EYS: variants seen among roughly 807,000 people sequenced by gnomAD.
The protein encoded by EYS is protein eyes shut homolog.
In EYS, 250 loss-of-function variants were observed where a neutral mutation model predicts 282.1. The observed-to-expected ratio is 0.89, with a 90% CI of 0.80 to 0.98. The LOEUF (loss-of-function observed/expected upper bound fraction) is 0.98, where lower values mean the gene tolerates loss of function less well. EYS is among the 50% of genes least tolerant of loss of function. The pLI is 0.00. For synonymous variants in EYS, 1,355 were observed against 1,282.9 expected (o/e 1.06, Z -1.20); for missense variants, 4,016 against 3,709.0 (o/e 1.08, Z -2.15).
chr6:64,945,223 G>A (rs1361875507), intron 15 of EYS, among the ~76,000 whole-genome samples: 1 of 150,062 alleles, frequency 6.7e-6, no homozygotes. Context: ...TATTCAACAA[G>A]CAAAAAACAA....
At chr6:65,593,961 A>G (rs1765317813) in intron 2 of EYS, among the ~76,000 whole-genome samples, 2 of 151,978 alleles carry the variant, frequency 1.3e-5, no homozygotes. Context: ...AGCATAGAGA[A>G]GGTCAAATAA....
intron 41 of EYS, among the ~76,000 whole-genome samples, chr6:63,746,621 C>T (rs553393974): frequency 9.2e-5 from 14 of 152,218 alleles, no homozygotes; most frequent in South Asian, 2.1e-4. Flanking sequence ...TTGGTCTATT[C>T]GTGGACTCAA....
chr6:64,058,157 C>T (rs1443566604), intron 33 of EYS, among the ~76,000 whole-genome samples: 5 of 152,104 alleles, frequency 3.3e-5, no homozygotes, highest in Non-Finnish European at 7.4e-5. Context: ...AGTTCCCCTG[C>T]ACATGTTGTC....
chr6:64,683,650 C>A (rs1167170296), intron 22 of EYS, among the ~76,000 whole-genome samples: 1 of 152,134 alleles, frequency 6.6e-6, no homozygotes, highest in Non-Finnish European at 1.5e-5. Context: ...TACTTAATGG[C>A]TGACATTTTC....
chr6:65,437,086 A>G (rs967032010), intron 5 of EYS, among the ~76,000 whole-genome samples: 7 of 152,108 alleles, frequency 4.6e-5, no homozygotes, highest in African/African-American at 1.7e-4. Flanking sequence ...CTGTATATAA[A>G]AGGAAAACTT....
intron 12 of EYS, among the ~76,000 whole-genome samples, chr6:65,181,988 C>G (rs928643926): frequency 2.0e-5 from 3 of 151,730 alleles, no homozygotes; most frequent in Admixed American, 2.0e-4. Context: ...TGTTCTCACT[C>G]ATAGGTGGGA....
intron 5 of EYS, among the ~76,000 whole-genome samples, chr6:65,442,727 C>A (rs1157250295): frequency 6.6e-6 from 1 of 150,942 alleles, no homozygotes. Flanking sequence ...GCACTCCAGG[C>A]TGGGTGACAG....
intron 26 of EYS, among the ~76,000 whole-genome samples, chr6:64,584,659 T>C (rs1453778099): frequency 6.6e-6 from 1 of 152,074 alleles, no homozygotes; most frequent in Non-Finnish European, 1.5e-5. Flanking sequence ...AATTTTTGAA[T>C]ATATTTTACT....
rs561787941 is a variant in EYS at position 64,755,517 on chromosome 6, C to G, written c.3443+57861G>C. 6.0e-4 allele frequency among the ~76,000 whole-genome samples: 91 copies of G among 151,444 alleles called. 3 individuals are homozygous for G. The South Asian group carries it at 0.018, about 30-fold the overall frequency. ...ATACATACACACACACACACACACA[C>G]ACACACACACACACACACACACACA... is the stretch of plus-strand genomic sequence containing the variant. On this transcript the variant is annotated intron_variant, in intron 22 of 42. Coordinates refer to ENST00000503581, the MANE Select transcript of EYS (RefSeq NM_001142800.2).
At chr6:64,215,037 C>T (rs1311186271) in intron 31 of EYS, among the ~76,000 whole-genome samples, 1 of 151,832 alleles carries the variant, frequency 6.6e-6, no homozygotes, top group African/African-American at 2.4e-5. Flanking sequence ...TGTCTTTATT[C>T]TGATTTCTAT....
intron 36 of EYS, among the ~76,000 whole-genome samples, chr6:63,849,580 G>A (rs572576865): frequency 2.0e-5 from 3 of 152,262 alleles, no homozygotes; most frequent in East Asian, 1.9e-4. Context: ...TGCAGAAGAG[G>A]GGCCTGACTG....
chr6:64,600,954 G>A (rs1435224940), intron 24 of EYS, among the ~76,000 whole-genome samples: 1 of 152,020 alleles, frequency 6.6e-6, no homozygotes, highest in African/African-American at 2.4e-5. Flanking sequence ...CTGTTATAGT[G>A]AAATTCCAGA....
intron 33 of EYS, among the ~76,000 whole-genome samples, chr6:64,021,694 T>C (rs1375447569): frequency 2.0e-5 from 3 of 152,142 alleles, no homozygotes; most frequent in Non-Finnish European, 4.4e-5. Context: ...ATTCACATGG[T>C]CCAAGATTCA....
intron 33 of EYS, among the ~76,000 whole-genome samples, chr6:64,022,671 A>G (rs111829563): frequency 0.03 from 4,601 of 152,262 alleles, 233 homozygotes; most frequent in African/African-American, 0.11. Context: ...GGCTGCTGAA[A>G]CTGCCTGCTC....
intron 12 of EYS, among the ~76,000 whole-genome samples, chr6:65,113,677 A>G (rs1775285080): frequency 6.6e-6 from 1 of 150,968 alleles, no homozygotes. Context: ...ATATTGTTGA[A>G]TGAAAGAAAC....
At chr6:63,916,994 G>T (rs1463997928) in intron 35 of EYS, among the ~76,000 whole-genome samples, 1 of 152,168 alleles carries the variant, frequency 6.6e-6, no homozygotes, top group Non-Finnish European at 1.5e-5. Context: ...GAAGCTGACA[G>T]GTCAGGAAGT....
At chr6:63,880,475 G>GTA (rs1400603252) in intron 35 of EYS, among the ~76,000 whole-genome samples, 5 of 139,132 alleles carry the variant, frequency 3.6e-5, no homozygotes, top group African/African-American at 1.3e-4. Flanking sequence ...CTGTCTGTCT[G>GTA]TCTGTCTGTC....
chr6:64,207,640 G>T (rs1765649279), intron 31 of EYS, among the ~76,000 whole-genome samples: 1 of 151,452 alleles, frequency 6.6e-6, no homozygotes, highest in Non-Finnish European at 1.5e-5. Flanking sequence ...AATTCATCAA[G>T]GTTTTCTTCA....
intron 16 of EYS, among the ~76,000 whole-genome samples, chr6:64,909,893 G>A (rs1020105823): frequency 1.3e-5 from 2 of 152,080 alleles, no homozygotes; most frequent in African/African-American, 4.8e-5. Context: ...TGGTCCTTCA[G>A]AGTGAATTTG....
Sources: allele counts gnomAD v4.1 joint callset (sites outside exome capture counted in the v4.1 genomes callset), GRCh38; gene constraint gnomAD v4.1.1; transcripts MANE v1.5; gene names NCBI Gene and HGNC (gene_info 2026-07-23, HGNC 2026-07-21).